The following LRRC4C variants were observed in gnomAD, a reference collection of about 807,000 sequenced individuals.
The protein encoded by LRRC4C is leucine rich repeat containing 4C.
LRRC4C carries 5 observed loss-of-function variants against 33.6 expected under a neutral mutation model. That is an observed-to-expected ratio of 0.15 (90% CI 0.08 to 0.31). LRRC4C has a LOEUF of 0.31. LRRC4C is among the 10% of genes least tolerant of loss of function. The pLI is 1.00. For missense variants in LRRC4C, 560 were observed against 796.7 expected, an observed-to-expected ratio of 0.70 and a Z score of 3.58; for synonymous variants, 329 against 302.0, an observed-to-expected ratio of 1.09 and a Z score of -0.93.
intron 5 of LRRC4C, among the ~76,000 whole-genome samples, chr11:40,162,847 A>G: frequency 6.6e-6 from 1 of 152,180 alleles, no homozygotes; most frequent in East Asian, 1.9e-4. Context: ...AGGCACTTTA[A>G]CTTGTACTTC....
chr11:40,611,829 C>A (rs1036917307), intron 3 of LRRC4C, among the ~76,000 whole-genome samples: 7 of 151,428 alleles, frequency 4.6e-5, no homozygotes, highest in Admixed American at 4.0e-4. Context: ...CACTTTGTAG[C>A]TGTTAGAATA....
At chr11:40,516,752 C>T (rs959617268) in intron 3 of LRRC4C, among the ~76,000 whole-genome samples, 1 of 152,032 alleles carries the variant, frequency 6.6e-6, no homozygotes, top group Non-Finnish European at 1.5e-5. Context: ...TAAAATGAAC[C>T]TAAAAATAAA....
chr11:41,218,763 ATTTTTTTT>A (rs1184491274), intron 1 of LRRC4C, among the ~76,000 whole-genome samples: 3 of 108,898 alleles, frequency 2.8e-5, no homozygotes, highest in Admixed American at 1.1e-4. Context: ...TGCATATGTC[ATTTTTTTT>A]TTTTTTTTTT....
chr11:40,458,815 CT>C (rs1300063220), intron 3 of LRRC4C, among the ~76,000 whole-genome samples: 3 of 152,144 alleles, frequency 2.0e-5, no homozygotes, highest in African/African-American at 7.2e-5. Flanking sequence ...TTCACCTTCA[CT>C]TGGCTTCAAA....
At chr11:40,656,212 T>C (rs971513556) in intron 2 of LRRC4C, among the ~76,000 whole-genome samples, 1 of 147,038 alleles carries the variant, frequency 6.8e-6, no homozygotes, top group Non-Finnish European at 1.5e-5. Context: ...GATTCCGTAC[T>C]GTTTTTCTTT....
chr11:40,489,487 C>T (rs968581199), intron 3 of LRRC4C, among the ~76,000 whole-genome samples: 21 of 152,014 alleles, frequency 1.4e-4, no homozygotes, highest in African/African-American at 5.1e-4. Context: ...CCAAAAGATA[C>T]TTTATATTAA....
intron 1 of LRRC4C, among the ~76,000 whole-genome samples, chr11:41,292,325 T>C (rs1465930957): frequency 1.3e-5 from 2 of 152,040 alleles, no homozygotes; most frequent in African/African-American, 4.8e-5. Flanking sequence ...AGGACTACTC[T>C]GCAGCCTGGA....
chr11:41,045,596 G>T (rs890480578), intron 1 of LRRC4C, among the ~76,000 whole-genome samples: 18 of 151,998 alleles, frequency 1.2e-4, no homozygotes, highest in African/African-American at 4.1e-4. Context: ...ATGAGATAAG[G>T]TCCGTGATGA....
intron 2 of LRRC4C, among the ~76,000 whole-genome samples, chr11:40,858,692 TAAAA>T (rs201131448): frequency 1.2e-5 from 1 of 80,162 alleles, no homozygotes; most frequent in Non-Finnish European, 2.4e-5. Flanking sequence ...GACTCCTTCT[TAAAA>T]AAAAAAAAAA....
intron 4 of LRRC4C, among the ~76,000 whole-genome samples, chr11:40,261,803 G>A (rs1190784821): frequency 1.3e-5 from 2 of 151,978 alleles, no homozygotes; most frequent in African/African-American, 2.4e-5. Context: ...AAACTGAAAC[G>A]ACCCCTTCCT....
rs114124203 is a variant in LRRC4C at position 40,413,372 on chromosome 11, G to C, written c.-269-93651C>G. Among the ~76,000 whole-genome samples, 1,146 of 152,108 alleles carry C rather than the reference G, an allele frequency of 7.5e-3. 14 individuals carry two copies. The highest frequency in any genetic ancestry group is 0.026 in the African/African-American group (1,071 of 41,496). ...GGATTGTTTTATATGGCTGCCCTAA[G>C]TCTTCCCTGCCTGAAGTATTCTTCT... On this transcript the variant is annotated intron_variant, in intron 3 of 6. Transcript: ENST00000528697.
At chr11:41,379,165 T>C (rs559347141) in intron 1 of LRRC4C, among the ~76,000 whole-genome samples, 3 of 152,252 alleles carry the variant, frequency 2.0e-5, no homozygotes, top group Non-Finnish European at 2.9e-5. Context: ...GGAGCTCACC[T>C]CTTTTGGATT....
chr11:41,411,321 T>C (rs1304625031), intron 1 of LRRC4C, among the ~76,000 whole-genome samples: 1 of 151,160 alleles, frequency 6.6e-6, no homozygotes, highest in East Asian at 2.0e-4. Context: ...GCTAATTTTT[T>C]GTATTTTTAG....
At chr11:41,449,482 A>T (rs76481465) in intron 1 of LRRC4C, among the ~76,000 whole-genome samples, 3 of 152,128 alleles carry the variant, frequency 2.0e-5, no homozygotes, top group Non-Finnish European at 2.9e-5. Flanking sequence ...GCAAAAAAAA[A>T]TGTCCCTATA....
intron 3 of LRRC4C, among the ~76,000 whole-genome samples, chr11:40,604,751 A>G (rs758875936): frequency 4.1e-4 from 63 of 152,120 alleles, no homozygotes; most frequent in Non-Finnish European, 7.8e-4. Context: ...AGAATATGCT[A>G]AAGATGAGAT....
intron 4 of LRRC4C, among the ~76,000 whole-genome samples, chr11:40,283,208 A>C (rs1161434010): frequency 1.3e-5 from 2 of 152,220 alleles, no homozygotes; most frequent in East Asian, 3.8e-4. Flanking sequence ...AAATATATTT[A>C]AAGAACTATT....
chr11:41,051,087 A>G (rs1205947720), intron 1 of LRRC4C, among the ~76,000 whole-genome samples: 1 of 152,150 alleles, frequency 6.6e-6, no homozygotes, highest in Non-Finnish European at 1.5e-5. Flanking sequence ...CAAAAAAGAT[A>G]TCCAATCTCC....
intron 3 of LRRC4C, among the ~76,000 whole-genome samples, chr11:40,535,858 G>A (rs930707258): frequency 3.9e-5 from 6 of 152,178 alleles, no homozygotes; most frequent in Non-Finnish European, 8.8e-5. Context: ...TCACATCACA[G>A]AGATTAAAAG....
At chr11:40,651,059 TCTGA>T (rs1207047010) in intron 2 of LRRC4C, among the ~76,000 whole-genome samples, 4 of 152,338 alleles carry the variant, frequency 2.6e-5, no homozygotes, top group African/African-American at 4.8e-5. Flanking sequence ...GTCAGGTAAG[TCTGA>T]CTATTTTTGC....
Sources: gnomAD v4.1 joint callset for allele counts (sites outside exome capture counted in the v4.1 genomes callset) on GRCh38, gnomAD v4.1.1 for gene constraint, MANE v1.5 for transcripts, NCBI Gene and HGNC (gene_info 2026-07-23, HGNC 2026-07-21) for gene names.